KNTC1: variants seen among roughly 807,000 people sequenced by gnomAD.
The protein encoded by KNTC1 is kinetochore-associated protein 1.
KNTC1 carries 253 observed loss-of-function variants against 314.4 expected under a neutral mutation model. The ratio of observed to expected loss-of-function variants is 0.80; its 90% CI spans 0.73 to 0.89. The LOEUF (loss-of-function observed/expected upper bound fraction) is 0.89, where lower values mean the gene tolerates loss of function less well. Among genes scored for constraint, KNTC1 ranks in the 40% least tolerant of loss-of-function variants. The pLI, the probability that KNTC1 is intolerant of heterozygous loss-of-function variation, is 0.00. For missense variants in KNTC1, 2,475 were observed against 2,572.9 expected, an observed-to-expected ratio of 0.96 and a Z score of 0.82; for synonymous variants, 901 against 901.4, an observed-to-expected ratio of 1.00 and a Z score of 0.01.
chr12:122,559,624 G>A (rs1212613678), intron 18 of KNTC1, among the ~76,000 whole-genome samples: 1 of 152,156 alleles, frequency 6.6e-6, no homozygotes, highest in Admixed American at 6.6e-5. Flanking sequence ...CCAGGCTGGA[G>A]TGCAGTGGTG....
chr12:122,583,946 G>A (rs1868830705), intron 34 of KNTC1, among the ~76,000 whole-genome samples: 2 of 152,122 alleles, frequency 1.3e-5, no homozygotes, highest in Admixed American at 6.6e-5. Flanking sequence ...AACATAGTGA[G>A]AGCTCATCTC....
chr12:122,535,388 C>G (rs7485035), intron 3 of KNTC1, among the ~76,000 whole-genome samples: 1 of 151,992 alleles, frequency 6.6e-6, no homozygotes, highest in Admixed American at 6.6e-5. Context: ...CACCTGTAAT[C>G]CTTGTACTTT....
intron 39 of KNTC1, 147 bp from the exon 40 acceptor site, chr12:122,588,565 C>A: frequency 1.7e-6 from 1 of 579,684 alleles, no homozygotes; most frequent in Non-Finnish European, 2.8e-6. Flanking sequence ...CCAGTCAGTC[C>A]CCCACCCCTT....
chr12:122,608,164 C>T (rs1013984851), intron 51 of KNTC1, among the ~76,000 whole-genome samples: 1 of 152,160 alleles, frequency 6.6e-6, no homozygotes, highest in African/African-American at 2.4e-5. Flanking sequence ...CAGGCTAGAG[C>T]AGTGGCATGA....
At chr12:122,547,604 C>T (rs751637837) in intron 11 of KNTC1, 74 bp downstream of exon 11, 407 of 957,048 alleles carry the variant, frequency 4.3e-4, no homozygotes, top group Non-Finnish European at 6.2e-4. Flanking sequence ...TTGTTCAGGT[C>T]ATTTATTATG....
In KNTC1 at chr12:122,557,519, T is replaced by C. The variant is rs1565952989; in HGVS notation, c.1398+10T>C. 2.5e-6 allele frequency: 4 copies of C among 1,613,326 alleles called. No homozygotes were observed. The highest frequency in any genetic ancestry group is 3.4e-6 in the Non-Finnish European group (4 of 1,179,536). ...TCTACATAAGATCCAGGTATGTTTT[T>C]CTTGTCACATACTACAGTATTTAGA... On this transcript the variant is annotated intron_variant, in intron 17 of 63. Coordinates refer to ENST00000333479, the MANE Select transcript of KNTC1 (RefSeq NM_014708.6).
intron 18 of KNTC1, among the ~76,000 whole-genome samples, chr12:122,558,692 A>G (rs1365786063): frequency 6.6e-6 from 1 of 151,952 alleles, no homozygotes; most frequent in Non-Finnish European, 1.5e-5. Context: ...CCTGGCCAAT[A>G]TGGTGAAACC....
intron 54 of KNTC1, 184 bp from the exon 55 acceptor site, chr12:122,613,442 A>T: frequency 1.5e-6 from 1 of 663,298 alleles, no homozygotes; most frequent in South Asian, 2.2e-5. Context: ...TTAGAAACTG[A>T]ATGTTTTATT....
intron 31 of KNTC1, 85 bp from the exon 32 acceptor site, chr12:122,579,819 TG>T (rs764966573): frequency 2.7e-4 from 234 of 865,122 alleles, no homozygotes; most frequent in Non-Finnish European, 4.0e-4. Flanking sequence ...TTTCTGCTTC[TG>T]TGGTTTTTGT....
intron 57 of KNTC1, among the ~76,000 whole-genome samples, chr12:122,616,925 ATTTAC>A (rs2138176865): frequency 6.6e-6 from 1 of 152,236 alleles, no homozygotes; most frequent in East Asian, 1.9e-4. Context: ...GTGACCACTA[ATTTAC>A]TTTCTGTCCA....
intron 5 of KNTC1, among the ~76,000 whole-genome samples, chr12:122,541,015 T>G (rs1287014115): frequency 2.6e-5 from 4 of 151,738 alleles, no homozygotes; most frequent in Non-Finnish European, 2.9e-5. Context: ...CTACAAAAAA[T>G]AAAAAATTAG....
rs1434599156 is a variant in KNTC1 at position 122,539,574 on chromosome 12, T to C, written c.367-102T>C. The C allele has an allele frequency of 3.7e-6, 3 of 808,808 alleles. No individual in the cohort carries two copies. In the African/African-American group the frequency reaches 5.3e-5, roughly 14 times the overall value. The allele number at this position is 808,808 out of a possible 1,614,324, so 50.1% of individuals were successfully genotyped here. A position where few individuals can be genotyped will look rare whatever the true frequency, so the allele number is the denominator to read the frequency against. ...TAAGATGTTTAGAATATAGGCAGAA[T>C]TATTGCTAATGATAATTGATAACTC... On this transcript the variant is annotated intron_variant, in intron 4 of 63. Transcript: ENST00000333479.
chr12:122,618,565 T>C lies in KNTC1; in HGVS notation c.6149+20T>C, dbSNP rs746970134. The C allele has an allele frequency of 1.3e-6, 2 of 1,560,784 alleles. No individual in the cohort carries two copies. The highest frequency in any genetic ancestry group is 1.7e-6 in the Non-Finnish European group (2 of 1,146,468). ...CCTCGAGTAAGCAAAATATTTGTTCTACCAAAAAAAAAAAAAGTTTGTTGC... is the reference window on the plus strand; with the variant it reads ...CCTCGAGTAAGCAAAATATTTGTTCCACCAAAAAAAAAAAAAGTTTGTTGC... On this transcript the variant is annotated intron_variant, in intron 59 of 63. Coordinates refer to ENST00000333479, the MANE Select transcript of KNTC1 (RefSeq NM_014708.6).
At chr12:122,569,868 T>C (rs909881522) in intron 22 of KNTC1, 44 bp downstream of exon 22, 4 of 1,549,706 alleles carry the variant, frequency 2.6e-6, no homozygotes, top group Non-Finnish European at 2.6e-6. Context: ...CTTTATTTCA[T>C]TTTTTACATT....
At chr12:122,539,778 T>C (rs754394738) in intron 5 of KNTC1, 24 bp downstream of exon 5, 2 of 1,457,970 alleles carry the variant, frequency 1.4e-6, no homozygotes, top group Admixed American at 4.9e-5. Context: ...AATTTTTTTT[T>C]GAATGACTTT....
At chr12:122,531,592 C>T (rs1961328581) in intron 2 of KNTC1, among the ~76,000 whole-genome samples, 1 of 151,780 alleles carries the variant, frequency 6.6e-6, no homozygotes, top group African/African-American at 2.4e-5. Context: ...ATGAGTAGTA[C>T]AAATCTCATT....
chr12:122,615,425 C>A, intron 56 of KNTC1, 45 bp from the exon 57 acceptor site: 1 of 1,432,172 alleles, frequency 7.0e-7, no homozygotes, highest in Non-Finnish European at 9.4e-7. Context: ...TGAAATTTTC[C>A]ATTTTGGTGG....
chr12:122,600,052 G>T (rs1276735531), intron 44 of KNTC1, among the ~76,000 whole-genome samples: 3 of 151,712 alleles, frequency 2.0e-5, no homozygotes, highest in Admixed American at 6.6e-5. Context: ...TGGTGTGTGG[G>T]TAGAAAGAAA....
intron 42 of KNTC1, 66 bp downstream of exon 42, chr12:122,591,519 G>T: frequency 1.2e-6 from 1 of 859,724 alleles, no homozygotes; most frequent in Non-Finnish European, 2.0e-6. Flanking sequence ...TTAAAACAAA[G>T]ATTCTGTTGT....
Sources: allele counts gnomAD v4.1 joint callset (sites outside exome capture counted in the v4.1 genomes callset), GRCh38; gene constraint gnomAD v4.1.1; transcripts MANE v1.5; gene names NCBI Gene and HGNC (gene_info 2026-07-23, HGNC 2026-07-21).